Variants in SLC25A21 observed in about 807,000 individuals in gnomAD.
SLC25A21 encodes solute carrier family 25 member 21.
In SLC25A21, 47 loss-of-function variants were observed where a neutral mutation model predicts 43.8. The ratio of observed to expected loss-of-function variants is 1.07; its 90% CI spans 0.85 to 1.37. The LOEUF is 1.37. SLC25A21 is among the 40% of genes most tolerant of loss of function. The pLI, the probability that SLC25A21 is intolerant of heterozygous loss-of-function variation, is 0.00. For missense variants in SLC25A21, 352 were observed against 350.2 expected (o/e 1.00, Z -0.04); for synonymous variants, 131 against 121.3 (o/e 1.08, Z -0.52).
At chr14:36,856,283 G>A (rs944779689) in intron 2 of SLC25A21, among the ~76,000 whole-genome samples, 2 of 152,148 alleles carry the variant, frequency 1.3e-5, no homozygotes, top group Non-Finnish European at 2.9e-5. Context: ...AGGAACTGCG[G>A]GCTTTGTTTG....
chr14:36,833,473 G>A (rs968689211), intron 2 of SLC25A21, among the ~76,000 whole-genome samples: 20 of 152,272 alleles, frequency 1.3e-4, no homozygotes, highest in African/African-American at 4.8e-4. Flanking sequence ...ATCTTTAAAC[G>A]CTTAGGAATA....
chr14:37,055,619 T>C (rs908180846), intron 1 of SLC25A21, among the ~76,000 whole-genome samples: 3 of 152,124 alleles, frequency 2.0e-5, no homozygotes, highest in Admixed American at 1.3e-4. Context: ...AAGGTGTCTA[T>C]GTTGGAGAGG....
chr14:36,793,179 A>G (rs1302414872), intron 3 of SLC25A21, among the ~76,000 whole-genome samples: 1 of 152,200 alleles, frequency 6.6e-6, no homozygotes, highest in Non-Finnish European at 1.5e-5. Flanking sequence ...ATGGGAAAAT[A>G]TATTATGATC....
At chr14:36,716,430 A>G (rs35868395) in intron 6 of SLC25A21, among the ~76,000 whole-genome samples, 28,405 of 152,206 alleles carry the variant, frequency 0.19, 3,333 homozygotes, top group Middle Eastern at 0.29. Context: ...ACACAAAAAT[A>G]GTCACTATGT....
chr14:36,853,159 T>G (rs941553455), intron 2 of SLC25A21, among the ~76,000 whole-genome samples: 3 of 152,230 alleles, frequency 2.0e-5, no homozygotes, highest in African/African-American at 7.2e-5. Flanking sequence ...AATTGTTCAT[T>G]TGAAGACTGT....
intron 1 of SLC25A21, among the ~76,000 whole-genome samples, chr14:37,140,955 T>C (rs1328904303): frequency 6.6e-6 from 1 of 152,152 alleles, no homozygotes; most frequent in African/African-American, 2.4e-5. Context: ...GAGACCAACC[T>C]TGCCACATGG....
chr14:36,961,305 G>A (rs1008220947), intron 1 of SLC25A21, among the ~76,000 whole-genome samples: 1 of 151,712 alleles, frequency 6.6e-6, no homozygotes, highest in Non-Finnish European at 1.5e-5. Context: ...TCTGCCTTCC[G>A]GGTTCACGCC....
intron 1 of SLC25A21, among the ~76,000 whole-genome samples, chr14:37,025,846 T>C (rs1961081157): frequency 6.6e-6 from 1 of 152,140 alleles, no homozygotes; most frequent in Non-Finnish European, 1.5e-5. Context: ...GAGTTTTGTT[T>C]TCTTTTTTCT....
At chr14:37,055,498 A>T (rs1201623874) in intron 1 of SLC25A21, among the ~76,000 whole-genome samples, 1 of 152,164 alleles carries the variant, frequency 6.6e-6, no homozygotes, top group Non-Finnish European at 1.5e-5. Flanking sequence ...GCAGCAGAAG[A>T]GACACCATAG....
intron 3 of SLC25A21, 136 bp downstream of exon 3, chr14:36,813,782 G>A (rs1566639667): frequency 1.6e-6 from 1 of 637,486 alleles, no homozygotes; most frequent in African/African-American, 1.9e-5. Flanking sequence ...CACATTATTA[G>A]GAAAAACATA....
chr14:36,701,409 G>A (rs1883271146), intron 7 of SLC25A21, among the ~76,000 whole-genome samples: 1 of 152,092 alleles, frequency 6.6e-6, no homozygotes, highest in Non-Finnish European at 1.5e-5. Flanking sequence ...ATCCTTGCAG[G>A]GCTCTGGGCT....
At chr14:37,058,243 T>G (rs1313438701) in intron 1 of SLC25A21, among the ~76,000 whole-genome samples, 2 of 152,222 alleles carry the variant, frequency 1.3e-5, no homozygotes, top group South Asian at 2.1e-4. Flanking sequence ...AATTTAGTGA[T>G]GAAAACACAG....
intron 1 of SLC25A21, among the ~76,000 whole-genome samples, chr14:37,156,044 A>G (rs2138941623): frequency 6.6e-6 from 1 of 152,024 alleles, no homozygotes; most frequent in East Asian, 1.9e-4. Context: ...CTGTAACCCC[A>G]GCTACTCAGG....
At chr14:36,778,070 C>T (rs1886900744) in intron 3 of SLC25A21, among the ~76,000 whole-genome samples, 1 of 152,152 alleles carries the variant, frequency 6.6e-6, no homozygotes, top group South Asian at 2.1e-4. Flanking sequence ...CTTTGGTCCC[C>T]AGGATACTCC....
At chr14:37,098,303 T>C (rs1180715884) in intron 1 of SLC25A21, 1 of 152,226 alleles carries the variant, frequency 6.6e-6, no homozygotes, top group Non-Finnish European at 1.5e-5. Flanking sequence ...CTAGAAAGCG[T>C]AGACTTTGGA....
chr14:37,045,428 C>T (rs1961567020), intron 1 of SLC25A21, among the ~76,000 whole-genome samples: 1 of 152,084 alleles, frequency 6.6e-6, no homozygotes. Context: ...AATGAAAAGA[C>T]AAACTGCTGG....
intron 3 of SLC25A21, among the ~76,000 whole-genome samples, chr14:36,743,658 C>T (rs961671202): frequency 2.6e-5 from 4 of 152,060 alleles, no homozygotes; most frequent in Non-Finnish European, 5.9e-5. Flanking sequence ...GACAAGGATG[C>T]CCACTTTCAC....
intron 1 of SLC25A21, among the ~76,000 whole-genome samples, chr14:36,928,082 C>T (rs1370725647): frequency 1.1e-4 from 16 of 152,140 alleles, no homozygotes; most frequent in Non-Finnish European, 8.8e-5. Context: ...CTTGGAGGCA[C>T]AGTAGAAGTC....
intron 1 of SLC25A21, among the ~76,000 whole-genome samples, chr14:36,968,274 C>T (rs1394449996): frequency 6.6e-6 from 1 of 152,204 alleles, no homozygotes; most frequent in South Asian, 2.1e-4. Flanking sequence ...ATAGCCTCTT[C>T]CCCTGGAACG....
Sources: gnomAD v4.1 joint callset for allele counts (sites outside exome capture counted in the v4.1 genomes callset) on GRCh38, gnomAD v4.1.1 for gene constraint, MANE v1.5 for transcripts, NCBI Gene and HGNC (gene_info 2026-07-23, HGNC 2026-07-21) for gene names.